The following ZNF521 variants were observed in gnomAD, a reference collection of about 807,000 sequenced individuals.
ZNF521 encodes the protein LYST-interacting protein 3.
A neutral mutation model predicts 105.5 loss-of-function variants in ZNF521; 14 were observed. That is an observed-to-expected ratio of 0.13 (90% CI 0.09 to 0.21). The LOEUF is 0.21. ZNF521 is among the 10% of genes least tolerant of loss of function. ZNF521 has a pLI of 1.00. For missense variants in ZNF521, 1,233 were observed against 1,629.7 expected (o/e 0.76, Z 4.19); for synonymous variants, 635 against 606.0 (o/e 1.05, Z -0.70).
intron 5 of ZNF521, among the ~76,000 whole-genome samples, chr18:25,165,714 A>G (rs2035327699): frequency 6.6e-6 from 1 of 152,250 alleles, no homozygotes; most frequent in African/African-American, 2.4e-5. Flanking sequence ...ACACTGTACT[A>G]AGGAATGTCT....
intron 5 of ZNF521, among the ~76,000 whole-genome samples, chr18:25,100,469 CA>C (rs1479800215): frequency 3.3e-5 from 5 of 152,100 alleles, no homozygotes; most frequent in African/African-American, 1.2e-4. Flanking sequence ...CACAAAAGCA[CA>C]CGTCATATCT....
In ZNF521 at chr18:25,227,313, T is replaced by C; in HGVS notation, c.605A>G (p.Tyr202Cys). 6.2e-7 allele frequency: 1 copy of C among 1,614,182 alleles called. No homozygotes were observed. Among genetic ancestry groups the C allele is most frequent in the East Asian group, 2.2e-5 (1 of 44,874 alleles). ...HLKTHTSNKP[Y>C]KCAICRRGFL... ...CCCACGGCGACAAATGGCACATTTA[T>C]ATGGCTTGTTGGACGTGTGAGTCTT... is the stretch of plus-strand genomic sequence containing the variant. The change falls in exon 4 of 8, where the codon TAT becomes TGT. Residue 202 changes from tyrosine (Y) to cysteine (C), a missense_variant. By Grantham distance (194) the Tyr-to-Cys change is radical (BLOSUM62 -2). Coordinates refer to ENST00000361524, the MANE Select transcript of ZNF521 (RefSeq NM_015461.3). The surrounding 1 kb of genome is among the most constrained non-coding windows in gnomAD (Gnocchi z 5.7).
intron 3 of ZNF521, among the ~76,000 whole-genome samples, chr18:25,259,456 G>A (rs2144886824): frequency 6.6e-6 from 1 of 152,216 alleles, no homozygotes. Flanking sequence ...GCACTCAAGG[G>A]GCTAATATCT....
Position 25,213,993 on chromosome 18 carries a change from T to C in ZNF521, c.3573+10352A>G, listed in dbSNP as rs952142513. ...TTTAATTGGGAAATAACTTTACATA[T>C]AGTAAACTGTAGTAATCTTAAGTAT... On this transcript the variant is annotated intron_variant, in intron 4 of 7. Coordinates refer to ENST00000361524, the MANE Select transcript of ZNF521 (RefSeq NM_015461.3). Among the ~76,000 whole-genome samples, 13 of 152,280 alleles carry C rather than the reference T, an allele frequency of 8.5e-5. No individual in the cohort carries two copies. In the East Asian group the frequency reaches 1.2e-3, roughly 14 times the overall value.
At chr18:25,139,372 CAAAAAAAAAAAAAAAA>C (rs36175281) in intron 5 of ZNF521, among the ~76,000 whole-genome samples, 2 of 51,372 alleles carry the variant, frequency 3.9e-5, no homozygotes, top group African/African-American at 1.5e-4. Context: ...GACTCTGTCT[CAAAAAAAAAAAAAAAA>C]AAAAAAAAAA....
At chr18:25,258,051 C>T (rs1183537970) in intron 3 of ZNF521, among the ~76,000 whole-genome samples, 1 of 152,044 alleles carries the variant, frequency 6.6e-6, no homozygotes, top group Non-Finnish European at 1.5e-5. Flanking sequence ...ATGTAGTATT[C>T]CCTTCTGTAT....
intron 2 of ZNF521, among the ~76,000 whole-genome samples, chr18:25,332,535 C>T (rs893969436): frequency 6.6e-6 from 1 of 152,088 alleles, no homozygotes; most frequent in Non-Finnish European, 1.5e-5. Flanking sequence ...AGAAAAGCCA[C>T]ACAACCAAAA....
chr18:25,195,282 T>G, intron 4 of ZNF521, 38 bp from the exon 5 acceptor site: 2 of 1,439,852 alleles, frequency 1.4e-6, no homozygotes, highest in Non-Finnish European at 1.9e-6. Context: ...CTTAGACACA[T>G]GGACTTTTAA....
intron 2 of ZNF521, among the ~76,000 whole-genome samples, chr18:25,324,362 T>C (rs1171993879): frequency 6.6e-6 from 1 of 151,528 alleles, no homozygotes; most frequent in East Asian, 1.9e-4. Flanking sequence ...CATTTGGGTT[T>C]GCTTCTCTCA....
At chr18:25,127,436 A>G (rs113514885) in intron 5 of ZNF521, among the ~76,000 whole-genome samples, 289 of 152,170 alleles carry the variant, frequency 1.9e-3, no homozygotes, top group African/African-American at 6.6e-3. Context: ...ACTCATTCAA[A>G]TAATGGAAAT....
intron 5 of ZNF521, among the ~76,000 whole-genome samples, chr18:25,116,690 G>A (rs2034309127): frequency 6.6e-6 from 1 of 151,818 alleles, no homozygotes; most frequent in Non-Finnish European, 1.5e-5. Flanking sequence ...CTTGGATGAA[G>A]AAGGGAATAA....
At chr18:25,136,371 G>C (rs968596684) in intron 5 of ZNF521, among the ~76,000 whole-genome samples, 2 of 152,150 alleles carry the variant, frequency 1.3e-5, no homozygotes, top group African/African-American at 2.4e-5. Context: ...ACAAGAGTCA[G>C]AAAGGCTAAG....
intron 5 of ZNF521, among the ~76,000 whole-genome samples, chr18:25,134,357 C>A (rs981263528): frequency 6.6e-6 from 1 of 152,124 alleles, no homozygotes; most frequent in African/African-American, 2.4e-5. Flanking sequence ...AGAATATAAC[C>A]ACCATAGCTA....
chr18:25,304,478 C>G (rs910239984), intron 3 of ZNF521, among the ~76,000 whole-genome samples: 1 of 152,208 alleles, frequency 6.6e-6, no homozygotes, highest in African/African-American at 2.4e-5. Context: ...TGCAAACCTA[C>G]AGCACTTTTT....
intron 3 of ZNF521, among the ~76,000 whole-genome samples, chr18:25,229,027 G>A (rs183066122): frequency 2.3e-4 from 35 of 152,290 alleles, no homozygotes; most frequent in Admixed American, 2.2e-3. Context: ...CTCAGTTAGA[G>A]CATTATTAGA....
At chr18:25,089,318 G>C in intron 7 of ZNF521, 147 bp downstream of exon 7, 2 of 623,792 alleles carry the variant, frequency 3.2e-6, no homozygotes, top group Non-Finnish European at 5.6e-6. Flanking sequence ...ATTAATCCAG[G>C]CTCTAATTTT....
At chr18:25,082,860 A>G (rs1184802878) in intron 7 of ZNF521, 1 of 180,180 alleles carries the variant, frequency 5.6e-6, no homozygotes, top group Non-Finnish European at 1.2e-5. Context: ...AAAAAAAAAA[A>G]AAAAAAAAAT....
intron 3 of ZNF521, among the ~76,000 whole-genome samples, chr18:25,245,716 A>T (rs909378677): frequency 3.3e-5 from 5 of 152,190 alleles, no homozygotes; most frequent in African/African-American, 1.2e-4. Context: ...TTACATTTTT[A>T]AAATGCTTGT....
chr18:25,257,705 A>G (rs1020755642), intron 3 of ZNF521, among the ~76,000 whole-genome samples: 12 of 152,068 alleles, frequency 7.9e-5, no homozygotes, highest in Admixed American at 2.6e-4. Flanking sequence ...TCATTTTCCA[A>G]CCTATCAGAG....
Sources: gnomAD v4.1 joint callset for allele counts (sites outside exome capture counted in the v4.1 genomes callset) on GRCh38, gnomAD v4.1.1 for gene constraint, Gnocchi (gnomAD v3.1) non-coding constraint, MANE v1.5 for transcripts, NCBI Gene and HGNC (gene_info 2026-07-23, HGNC 2026-07-21) for gene names.